SUCLA2: variants seen among roughly 807,000 people sequenced by gnomAD.
SUCLA2 encodes succinate-CoA ligase ADP-forming subunit beta, also known as succinate--CoA ligase [ADP-forming] subunit beta, mitochondrial.
A neutral mutation model predicts 54.8 loss-of-function variants in SUCLA2; 30 were observed. That is an observed-to-expected ratio of 0.55 (90% CI 0.41 to 0.74). SUCLA2 has a LOEUF of 0.74. Ranked by LOEUF, SUCLA2 falls within the 30% of genes least tolerant of loss-of-function variation. SUCLA2 has a pLI of 0.00. For synonymous variants in SUCLA2, 172 were observed against 188.9 expected (o/e 0.91, Z 0.74); for missense variants, 476 against 562.9 (o/e 0.85, Z 1.56).
chr13:47,973,220 A>C, intron 5 of SUCLA2, 44 bp downstream of exon 5: 1 of 1,553,310 alleles, frequency 6.4e-7, no homozygotes, highest in Non-Finnish European at 8.9e-7. Context: ...AAGTATCATA[A>C]TTCTCTAATC....
intron 5 of SUCLA2, among the ~76,000 whole-genome samples, chr13:47,972,469 G>A (rs1288732369): frequency 6.6e-6 from 1 of 151,768 alleles, no homozygotes; most frequent in African/African-American, 2.4e-5. Flanking sequence ...AGGAGTTCGA[G>A]ACCAACCTGA....
chr13:47,985,600 GGT>G (rs1311803308), intron 4 of SUCLA2, among the ~76,000 whole-genome samples: 1 of 152,090 alleles, frequency 6.6e-6, no homozygotes, highest in Non-Finnish European at 1.5e-5. Context: ...AGTATTCCAT[GGT>G]GTATATGTAC....
intron 4 of SUCLA2, among the ~76,000 whole-genome samples, chr13:47,977,862 TA>T (rs1468366239): frequency 6.6e-6 from 1 of 152,164 alleles, no homozygotes; most frequent in East Asian, 1.9e-4. Context: ...AGCATTCCTA[TA>T]CACAAATAAT....
intron 10 of SUCLA2, 30 bp downstream of exon 10, chr13:47,948,910 A>G (rs1949755643): frequency 6.3e-7 from 1 of 1,598,930 alleles, no homozygotes; most frequent in African/African-American, 1.3e-5. Context: ...GTGTTTATAA[A>G]TCCTCCTTAG....
intron 4 of SUCLA2, among the ~76,000 whole-genome samples, chr13:47,986,172 A>C (rs905853167): frequency 1.3e-5 from 2 of 151,906 alleles, no homozygotes; most frequent in Non-Finnish European, 2.9e-5. Flanking sequence ...CTGGGATTAC[A>C]GGAACTCACC....
At chr13:47,952,143 T>C (rs1019473492) in intron 8 of SUCLA2, among the ~76,000 whole-genome samples, 4 of 152,144 alleles carry the variant, frequency 2.6e-5, no homozygotes, top group African/African-American at 9.7e-5. Context: ...TTTCAGTTCT[T>C]ACTCTGTCTG....
intron 6 of SUCLA2, among the ~76,000 whole-genome samples, chr13:47,965,331 G>C (rs140380849): frequency 3.3e-5 from 5 of 151,556 alleles, no homozygotes; most frequent in East Asian, 3.9e-4. Flanking sequence ...TTCTGGAAAC[G>C]ATCTTAAACA....
chr13:47,948,611 T>C (rs1443092593), intron 10 of SUCLA2, among the ~76,000 whole-genome samples: 2 of 152,128 alleles, frequency 1.3e-5, no homozygotes, highest in Non-Finnish European at 2.9e-5. Flanking sequence ...ACCCATAATG[T>C]ATCCTTTTAG....
intron 1 of SUCLA2, among the ~76,000 whole-genome samples, chr13:47,998,754 A>G (rs1472273130): frequency 6.6e-6 from 1 of 152,222 alleles, no homozygotes; most frequent in African/African-American, 2.4e-5. Context: ...GGGAGTATTG[A>G]TAAGAGAGAG....
At chr13:47,991,438 T>A (rs2137746819) in intron 2 of SUCLA2, 1 of 152,368 alleles carries the variant, frequency 6.6e-6, no homozygotes, top group South Asian at 2.1e-4. Context: ...AGTTTCTCTT[T>A]AAATCTCATG....
Position 47,951,761 on chromosome 13 carries a change from C to A in SUCLA2, c.1108-2158G>T, listed in dbSNP as rs1949778072. Among the ~76,000 whole-genome samples the A allele has an allele frequency of 1.3e-5, 2 of 152,086 alleles. 1 individual carries two copies. Among genetic ancestry groups the A allele is most frequent in the South Asian group, 4.1e-4 (2 of 4,828 alleles). On this transcript the variant is annotated intron_variant, in intron 8 of 10. Coordinates refer to ENST00000646932, the MANE Select transcript of SUCLA2 (RefSeq NM_003850.3). ...GAAAGGAGTAACCACCTTTCCAAAG[C>A]TGACCTGGCCAGATAATTATCTCCA...
chr13:48,000,880 AC>A, intron 1 of SUCLA2: 2 of 1,252,646 alleles, frequency 1.6e-6, no homozygotes, highest in Non-Finnish European at 2.0e-6. Flanking sequence ...AAATGTCCTG[AC>A]CCCCTCACCT....
intron 4 of SUCLA2, among the ~76,000 whole-genome samples, chr13:47,977,713 T>C (rs1053869084): frequency 3.3e-5 from 5 of 152,056 alleles, no homozygotes; most frequent in African/African-American, 9.7e-5. Flanking sequence ...TTTAACAAAA[T>C]TGAATACCCT....
intron 5 of SUCLA2, among the ~76,000 whole-genome samples, chr13:47,972,601 G>A (rs1256901522): frequency 1.1e-4 from 17 of 150,036 alleles, no homozygotes; most frequent in East Asian, 2.0e-4. Flanking sequence ...CCTGGGAGGC[G>A]GAGGTTGTGA....
chr13:47,986,595 G>A (rs543829412), intron 4 of SUCLA2, among the ~76,000 whole-genome samples: 4 of 152,180 alleles, frequency 2.6e-5, no homozygotes, highest in South Asian at 4.1e-4. Flanking sequence ...TGCTTTTGGC[G>A]TTTTCATCAT....
At chr13:47,956,778 T>G (rs955151440) in intron 6 of SUCLA2, 3 of 152,198 alleles carry the variant, frequency 2.0e-5, no homozygotes, top group African/African-American at 7.2e-5. Context: ...ATAAACATCC[T>G]GTTAAACATC....
At chr13:47,952,406 T>C (rs1244001237) in intron 8 of SUCLA2, among the ~76,000 whole-genome samples, 1 of 152,012 alleles carries the variant, frequency 6.6e-6, no homozygotes, top group Non-Finnish European at 1.5e-5. Flanking sequence ...TTCTCCAATA[T>C]AGGAAGTACA....
intron 1 of SUCLA2, among the ~76,000 whole-genome samples, chr13:47,999,804 A>G (rs767790793): frequency 4.6e-5 from 7 of 152,174 alleles, no homozygotes; most frequent in African/African-American, 1.7e-4. Flanking sequence ...GTCCTCATCT[A>G]CAAAAGCAAA....
chr13:47,985,365 T>C (rs1950093434), intron 4 of SUCLA2, among the ~76,000 whole-genome samples: 1 of 152,148 alleles, frequency 6.6e-6, no homozygotes, highest in African/African-American at 2.4e-5. Context: ...TCACTAGCTA[T>C]TCTTTCTGAT....
Sources: gnomAD v4.1 joint callset for allele counts (sites outside exome capture counted in the v4.1 genomes callset) on GRCh38, gnomAD v4.1.1 for gene constraint, MANE v1.5 for transcripts, NCBI Gene and HGNC (gene_info 2026-07-23, HGNC 2026-07-21) for gene names.